The following PID1 variants were observed in gnomAD, a reference collection of about 807,000 sequenced individuals.
The protein encoded by PID1 is phosphotyrosine interaction domain containing 1, also known as PTB-containing, cubilin and LRP1-interacting protein.
A neutral mutation model predicts 19.1 loss-of-function variants in PID1; 10 were observed. The ratio of observed to expected loss-of-function variants is 0.52; its 90% CI spans 0.32 to 0.89. The LOEUF (loss-of-function observed/expected upper bound fraction) is 0.89. PID1 is among the 40% of genes least tolerant of loss of function. PID1 has a pLI of 0.03. For synonymous variants in PID1, 130 were observed against 116.0 expected, an observed-to-expected ratio of 1.12 and a Z score of -0.78; for missense variants, 248 against 285.3, an observed-to-expected ratio of 0.87 and a Z score of 0.94.
At chr2:229,078,481 T>C (rs2894671) in intron 2 of PID1, among the ~76,000 whole-genome samples, 121,015 of 152,182 alleles carry the variant, frequency 0.8, 48,937 homozygotes, top group African/African-American at 0.93. Flanking sequence ...TGCGGGTTTT[T>C]AAAGGGAATG....
intron 2 of PID1, among the ~76,000 whole-genome samples, chr2:229,051,654 G>A (rs1408866194): frequency 6.6e-6 from 1 of 152,152 alleles, no homozygotes; most frequent in Non-Finnish European, 1.5e-5. Context: ...AAAGCTAACA[G>A]TCCATTACCA....
At chr2:229,111,050 T>A (rs1446940237) in intron 2 of PID1, among the ~76,000 whole-genome samples, 2 of 152,026 alleles carry the variant, frequency 1.3e-5, no homozygotes, top group Non-Finnish European at 2.9e-5. Context: ...TTATAAGGGG[T>A]TTCCCCTTTC....
intron 2 of PID1, among the ~76,000 whole-genome samples, chr2:229,126,111 C>T (rs1179326563): frequency 6.6e-6 from 1 of 152,084 alleles, no homozygotes. Context: ...TGCAACACTC[C>T]CAGAAAGAGC....
At chr2:229,183,032 G>A (rs1038999066) in intron 1 of PID1, among the ~76,000 whole-genome samples, 12 of 152,226 alleles carry the variant, frequency 7.9e-5, no homozygotes, top group Non-Finnish European at 1.6e-4. Context: ...GGAACTCATG[G>A]ATGCGACCTT....
intron 1 of PID1, among the ~76,000 whole-genome samples, chr2:229,263,689 G>C (rs1690519182): frequency 6.6e-6 from 1 of 152,176 alleles, no homozygotes. Context: ...ACATCATCCA[G>C]AAAAATGAGA....
chr2:229,037,187 T>G (rs1215455545), intron 2 of PID1, among the ~76,000 whole-genome samples: 1 of 152,188 alleles, frequency 6.6e-6, no homozygotes, highest in Non-Finnish European at 1.5e-5. Flanking sequence ...CCCTAAGTAT[T>G]TGCACAGATT....
intron 1 of PID1, among the ~76,000 whole-genome samples, chr2:229,172,747 T>C (rs2106210829): frequency 6.6e-6 from 1 of 152,298 alleles, no homozygotes; most frequent in Non-Finnish European, 1.5e-5. Flanking sequence ...TTGTTTGTTT[T>C]GAGACAAGAG....
In PID1 at chr2:229,254,874, G is replaced by A. The variant is rs575194031; in HGVS notation, c.30+16140C>T. Among the ~76,000 whole-genome samples, 4 of 152,094 alleles carry A rather than the reference G, an allele frequency of 2.6e-5. No individual in the cohort carries two copies. In the South Asian group the frequency reaches 8.3e-4, roughly 32 times the overall value. On this transcript the variant is annotated intron_variant, in intron 1 of 2. Coordinates refer to ENST00000392055, the MANE Select transcript of PID1 (RefSeq NM_001100818.2). ...TTGGCCAGGACTTTTATATTCTGTGGGCAGCACCATCCCTTTCATTTTCTG... is the reference window on the plus strand; with the variant it reads ...TTGGCCAGGACTTTTATATTCTGTGAGCAGCACCATCCCTTTCATTTTCTG...
chr2:229,044,296 C>A (rs1385069667), intron 2 of PID1, among the ~76,000 whole-genome samples: 1 of 152,040 alleles, frequency 6.6e-6, no homozygotes, highest in Middle Eastern at 3.2e-3. Flanking sequence ...ACTTAAAGGG[C>A]AATCTATATC....
intron 2 of PID1, among the ~76,000 whole-genome samples, chr2:229,146,170 T>C (rs1690125832): frequency 6.6e-6 from 1 of 152,156 alleles, no homozygotes; most frequent in Non-Finnish European, 1.5e-5. Context: ...ATCCAGTCTA[T>C]CATTGATGGG....
At chr2:229,145,155 G>GTGTGTGTGTATATACATATATATATATA (rs1391018424) in intron 2 of PID1, among the ~76,000 whole-genome samples, 1 of 119,968 alleles carries the variant, frequency 8.3e-6, no homozygotes, top group Admixed American at 8.8e-5. Context: ...ATATGTATGT[G>GTGTGTGTGTATATACATATATATATATA]TATATATATA....
At chr2:229,115,723 C>T (rs1458557775) in intron 2 of PID1, among the ~76,000 whole-genome samples, 1 of 152,156 alleles carries the variant, frequency 6.6e-6, no homozygotes, top group Non-Finnish European at 1.5e-5. Flanking sequence ...AGGTGTGCCC[C>T]ACATTGTCTA....
chr2:229,181,082 T>C (rs1690934828), intron 1 of PID1, among the ~76,000 whole-genome samples: 1 of 152,200 alleles, frequency 6.6e-6, no homozygotes, highest in Admixed American at 6.5e-5. Flanking sequence ...TCCAAGTCTC[T>C]CGTTCCACCT....
At chr2:229,084,189 T>C (rs762234868) in intron 2 of PID1, among the ~76,000 whole-genome samples, 1 of 152,178 alleles carries the variant, frequency 6.6e-6, no homozygotes, top group Non-Finnish European at 1.5e-5. Context: ...TTCCTGGTCA[T>C]GCCACTGGCT....
intron 1 of PID1, among the ~76,000 whole-genome samples, chr2:229,267,536 T>C (rs931909492): frequency 6.6e-6 from 1 of 152,170 alleles, no homozygotes; most frequent in African/African-American, 2.4e-5. Context: ...ATCCTAGTAA[T>C]AACTACACCA....
intron 1 of PID1, among the ~76,000 whole-genome samples, chr2:229,213,478 G>C (rs1691781391): frequency 6.6e-6 from 1 of 152,194 alleles, no homozygotes; most frequent in South Asian, 2.1e-4. Context: ...GCAAAACCTA[G>C]ACTTCAGAAA....
In PID1 at chr2:229,063,158, T is replaced by C. The variant is rs1574597553; in HGVS notation, c.178-37050A>G. ...TATCTTCATTATTTCCTTCCTTCTATTGACTTTGGGCTTAGTTTGTTCTTC... is the reference window on the plus strand; with the variant it reads ...TATCTTCATTATTTCCTTCCTTCTACTGACTTTGGGCTTAGTTTGTTCTTC... On this transcript the variant is annotated intron_variant, in intron 2 of 2. Coordinates refer to ENST00000392055, the MANE Select transcript of PID1 (RefSeq NM_001100818.2). Among the ~76,000 whole-genome samples, 6 of 152,176 alleles carry C rather than the reference T, an allele frequency of 3.9e-5. No individual in the cohort carries two copies. The South Asian group carries it at 1.2e-3, about 31-fold the overall frequency.
chr2:229,085,651 T>A (rs771297628), intron 2 of PID1, among the ~76,000 whole-genome samples: 3 of 152,070 alleles, frequency 2.0e-5, no homozygotes, highest in Non-Finnish European at 4.4e-5. Flanking sequence ...ATACTTGTGA[T>A]ACCTGACAAC....
At position 229,216,947 on chromosome 2, in the gene PID1, T is replaced by C. The variant is rs540124136; in HGVS notation, c.30+54067A>G. Among the ~76,000 whole-genome samples the C allele has an allele frequency of 7.2e-5, 11 of 152,344 alleles. No homozygotes were observed. The East Asian group carries it at 1.7e-3, about 24-fold the overall frequency. Reference sequence around the variant, plus strand: ...TTAAATAAGCAGATAACTGTTTTTGTTTACTTAGAATTTTATTGGGGTATA... The same window carrying C: ...TTAAATAAGCAGATAACTGTTTTTGCTTACTTAGAATTTTATTGGGGTATA... On this transcript the variant is annotated intron_variant, in intron 1 of 2. Coordinates refer to ENST00000392055, the MANE Select transcript of PID1 (RefSeq NM_001100818.2).
Sources: gnomAD v4.1 joint callset for allele counts (sites outside exome capture counted in the v4.1 genomes callset) on GRCh38, gnomAD v4.1.1 for gene constraint, MANE v1.5 for transcripts, NCBI Gene and HGNC (gene_info 2026-07-23, HGNC 2026-07-21) for gene names.